The following CLYBL variants were observed in gnomAD, a reference collection of about 807,000 sequenced individuals.
The protein encoded by CLYBL is citramalyl-CoA lyase.
In CLYBL, 31 loss-of-function variants were observed where a neutral mutation model predicts 38.9. The observed-to-expected ratio is 0.80, with a 90% confidence interval of 0.60 to 1.08. The LOEUF (loss-of-function observed/expected upper bound fraction) is 1.08, where lower values mean the gene tolerates loss of function less well. CLYBL is among the 50% of genes least tolerant of loss of function. CLYBL has a pLI of 0.00. For synonymous variants in CLYBL, 171 were observed against 158.6 expected, an observed-to-expected ratio of 1.08 and a Z score of -0.59; for missense variants, 434 against 411.6, an observed-to-expected ratio of 1.05 and a Z score of -0.47.
intron 1 of CLYBL, among the ~76,000 whole-genome samples, chr13:99,692,277 G>GTT (rs113949110): frequency 1.1e-3 from 133 of 121,900 alleles, no homozygotes; most frequent in African/African-American, 3.0e-3. Context: ...GTTCACATTT[G>GTT]TTTTTTTTGT....
intron 1 of CLYBL, among the ~76,000 whole-genome samples, chr13:99,638,046 C>T (rs1490048272): frequency 1.4e-5 from 2 of 142,700 alleles, no homozygotes; most frequent in African/African-American, 5.3e-5. Flanking sequence ...TCACTGCATT[C>T]TCGACCACCC....
chr13:99,852,214 G>A (rs2139170421), intron 2 of CLYBL, among the ~76,000 whole-genome samples: 1 of 152,260 alleles, frequency 6.6e-6, no homozygotes, highest in Middle Eastern at 3.4e-3. Context: ...AGAAGTATGA[G>A]GTTTCTTTTC....
At chr13:99,695,619 A>G (rs968660205) in intron 1 of CLYBL, among the ~76,000 whole-genome samples, 2 of 152,056 alleles carry the variant, frequency 1.3e-5, no homozygotes, top group African/African-American at 4.8e-5. Flanking sequence ...TCCCGAGTTC[A>G]AGAGATTCTC....
intron 1 of CLYBL, among the ~76,000 whole-genome samples, chr13:99,667,910 T>C (rs988634823): frequency 6.6e-6 from 1 of 152,170 alleles, no homozygotes; most frequent in Non-Finnish European, 1.5e-5. Flanking sequence ...TTGCCCATCA[T>C]TTTTTATTAA....
At chr13:99,676,182 G>GTCCTTCCTTCCTTCCTTCCTTCCTTCCT (rs1306416707) in intron 1 of CLYBL, among the ~76,000 whole-genome samples, 1 of 84,734 alleles carries the variant, frequency 1.2e-5, no homozygotes, top group Admixed American at 1.2e-4. Flanking sequence ...CCTTCCCTCC[G>GTCCTTCCTTCCTTCCTTCCTTCCTTCCT]TCCGTCCTTC....
At chr13:99,811,898 C>T (rs1790534495) in intron 2 of CLYBL, among the ~76,000 whole-genome samples, 1 of 152,178 alleles carries the variant, frequency 6.6e-6, no homozygotes, top group Admixed American at 6.5e-5. Flanking sequence ...GGAAAAACCA[C>T]CCTTCTTATT....
At chr13:99,724,427 G>A (rs937148360) in intron 1 of CLYBL, among the ~76,000 whole-genome samples, 7 of 152,138 alleles carry the variant, frequency 4.6e-5, no homozygotes, top group Admixed American at 3.3e-4. Context: ...TGTTCCTGGC[G>A]GTGGAGTATT....
At chr13:99,801,103 G>GTA (rs944044737) in intron 2 of CLYBL, among the ~76,000 whole-genome samples, 1 of 152,108 alleles carries the variant, frequency 6.6e-6, no homozygotes, top group African/African-American at 2.4e-5. Flanking sequence ...GTCGCCCTTA[G>GTA]TATAGGCCTT....
At chr13:99,613,610 A>G (rs1481517987) in intron 1 of CLYBL, among the ~76,000 whole-genome samples, 2 of 152,156 alleles carry the variant, frequency 1.3e-5, no homozygotes, top group Non-Finnish European at 2.9e-5. Flanking sequence ...AGAGGGAGCG[A>G]TGGGGAGAGA....
At chr13:99,762,767 A>AT (rs1342864277) in intron 1 of CLYBL, among the ~76,000 whole-genome samples, 2 of 152,326 alleles carry the variant, frequency 1.3e-5, no homozygotes, top group East Asian at 3.9e-4. Context: ...TAGTCTTGTC[A>AT]TTTTAATGAT....
chr13:99,905,860 T>C (rs1003044728), intron 9 of CLYBL, among the ~76,000 whole-genome samples: 3 of 151,912 alleles, frequency 2.0e-5, no homozygotes, highest in African/African-American at 4.8e-5. Flanking sequence ...CGACCTCCCC[T>C]GCTCAAGCCA....
At chr13:99,714,042 C>T (rs1427711521) in intron 1 of CLYBL, among the ~76,000 whole-genome samples, 4 of 152,012 alleles carry the variant, frequency 2.6e-5, no homozygotes, top group Admixed American at 6.6e-5. Context: ...GGCTGGAGTG[C>T]AGTGGTACAA....
intron 1 of CLYBL, among the ~76,000 whole-genome samples, chr13:99,730,904 G>A (rs1232898983): frequency 6.6e-6 from 1 of 151,786 alleles, no homozygotes; most frequent in East Asian, 2.0e-4. Context: ...ACAACATGGT[G>A]AAACCCCTTC....
intron 1 of CLYBL, among the ~76,000 whole-genome samples, chr13:99,641,754 G>C (rs995109301): frequency 1.3e-5 from 2 of 152,102 alleles, no homozygotes; most frequent in African/African-American, 4.8e-5. Flanking sequence ...GGAGCTTGCA[G>C]TGAGCTGAGA....
chr13:99,748,439 T>G (rs1253823008), intron 1 of CLYBL, among the ~76,000 whole-genome samples: 10 of 130,854 alleles, frequency 7.6e-5, no homozygotes, highest in East Asian at 2.2e-4. Flanking sequence ...GTTTTTTTTT[T>G]TTTTTTTTTT....
At chr13:99,642,684 C>A (rs116439526) in intron 1 of CLYBL, among the ~76,000 whole-genome samples, 6,060 of 152,198 alleles carry the variant, frequency 0.04, 398 homozygotes, top group African/African-American at 0.14. Flanking sequence ...TTCCCAAGTG[C>A]TGGGGTTACA....
At chr13:99,620,943 G>T (rs1312340955) in intron 1 of CLYBL, among the ~76,000 whole-genome samples, 3 of 152,168 alleles carry the variant, frequency 2.0e-5, no homozygotes, top group Non-Finnish European at 2.9e-5. Flanking sequence ...GAGAATATGG[G>T]TATAGGAGAA....
At chr13:99,904,228 A>G (rs1331733675) in intron 8 of CLYBL, among the ~76,000 whole-genome samples, 6 of 152,222 alleles carry the variant, frequency 3.9e-5, no homozygotes, top group African/African-American at 9.7e-5. Flanking sequence ...AACTAATTCA[A>G]TCAGACTCTA....
At chr13:99,752,495 G>A (rs941837271) in intron 1 of CLYBL, among the ~76,000 whole-genome samples, 3 of 152,116 alleles carry the variant, frequency 2.0e-5, no homozygotes, top group Admixed American at 1.3e-4. Context: ...GGAGGCTGGT[G>A]GACAGGCTGG....
Sources: allele counts gnomAD v4.1 joint callset (sites outside exome capture counted in the v4.1 genomes callset), GRCh38; gene constraint gnomAD v4.1.1; transcripts MANE v1.5; gene names NCBI Gene and HGNC (gene_info 2026-07-23, HGNC 2026-07-21).